MASTL: variants seen among roughly 807,000 people sequenced by gnomAD.
MASTL encodes the protein microtubule associated serine/threonine kinase like.
Under a neutral mutation model 82.5 loss-of-function variants are expected in MASTL, and 54 were observed. The observed-to-expected ratio is 0.65, with a 90% CI of 0.53 to 0.82. MASTL has a LOEUF of 0.82. MASTL is among the 40% of genes least tolerant of loss of function. The pLI is 0.00. For synonymous variants in MASTL, 323 were observed against 368.9 expected (o/e 0.88, Z 1.43); for missense variants, 950 against 1,047.8 (o/e 0.91, Z 1.29).
intron 9 of MASTL, among the ~76,000 whole-genome samples, chr10:27,176,667 T>C (rs1244744462): frequency 6.6e-6 from 1 of 152,182 alleles, no homozygotes. Flanking sequence ...ATTTCAAATG[T>C]TACCTCTTCC....
intron 9 of MASTL, among the ~76,000 whole-genome samples, chr10:27,180,625 C>T (rs1418521726): frequency 6.6e-6 from 1 of 152,150 alleles, no homozygotes; most frequent in Non-Finnish European, 1.5e-5. Context: ...CTCCTGACCT[C>T]AGGTAATCCA....
intron 1 of MASTL, 133 bp from the exon 2 acceptor site, chr10:27,158,416 A>G: frequency 1.4e-6 from 1 of 702,736 alleles, no homozygotes. Flanking sequence ...CTGAGGTGGG[A>G]GGATAACTTG....
In MASTL at chr10:27,170,202, A is replaced by G. The variant is rs761451295; in HGVS notation, c.1243A>G (p.Thr415Ala). 6 of 1,614,030 alleles carry G rather than the reference A, an allele frequency of 3.7e-6. No homozygotes were observed. Among genetic ancestry groups the G allele is most frequent in the East Asian group, 4.5e-5 (2 of 44,896 alleles). The change falls in exon 8 of 12, where the codon ACA becomes GCA. Residue 415 changes from threonine (T) to alanine (A), a missense_variant. Thr to Ala is a moderately conservative substitution (Grantham distance 58). Coordinates refer to ENST00000375940, the MANE Select transcript of MASTL (RefSeq NM_001172303.3). ...DVNNINMDTDTSQLGFHQSNQ... is the reference protein window; with the variant it reads ...DVNNINMDTDASQLGFHQSNQ... ...AAATAATATAAATATGGACACTGAC[A>G]CAAGTCAGTTAGGTTTCCATCAGTC...
At chr10:27,186,340 T>A (rs2058747741) in intron 11 of MASTL, 39 bp from the exon 12 acceptor site, 1 of 1,574,058 alleles carries the variant, frequency 6.4e-7, no homozygotes, top group African/African-American at 1.4e-5. Context: ...CTTACTTAGG[T>A]AATGATATCA....
At chr10:27,162,161 C>G (rs1439554942) in intron 4 of MASTL, among the ~76,000 whole-genome samples, 1 of 151,996 alleles carries the variant, frequency 6.6e-6, no homozygotes, top group Non-Finnish European at 1.5e-5. Context: ...GGAAATCTGC[C>G]AATATGTTTT....
chr10:27,173,167 G>A lies in MASTL; in HGVS notation c.2174G>A (p.Ser725Asn), dbSNP rs771422202. Residue 725 changes from serine (S) to asparagine (N), a missense_variant, in exon 9 of 12, where the codon AGT becomes AAT. Physicochemically the swap from Ser to Asn is conservative, Grantham distance 46. Transcript: ENST00000375940. ...GGAACTCCATACCGAACTCCGAAGA[G>A]TGTGAGAAGAGGGGTGGCCCCCGTT... ...KSGTPYRTPK[S>N]VRRGVAPVDD... 2.5e-6 allele frequency: 4 copies of A among 1,614,064 alleles called. No homozygotes were observed. In the Admixed American group the frequency reaches 5.0e-5, roughly 20 times the overall value.
chr10:27,179,569 A>C (rs976782451), intron 9 of MASTL, among the ~76,000 whole-genome samples: 2 of 152,210 alleles, frequency 1.3e-5, no homozygotes, highest in African/African-American at 4.8e-5. Flanking sequence ...AAAACAAACA[A>C]ACAAAGAAAA....
At chr10:27,180,374 ATT>A (rs869297303) in intron 9 of MASTL, among the ~76,000 whole-genome samples, 1 of 101,438 alleles carries the variant, frequency 9.9e-6, no homozygotes, top group Non-Finnish European at 2.0e-5. Flanking sequence ...GCTAACTCGC[ATT>A]TTTCTTTTCT....
At chr10:27,160,841 A>G (rs2057548458) in intron 3 of MASTL, among the ~76,000 whole-genome samples, 1 of 152,186 alleles carries the variant, frequency 6.6e-6, no homozygotes, top group South Asian at 2.1e-4. Flanking sequence ...CTTTATTTTA[A>G]TGGAATATCT....
intron 7 of MASTL, among the ~76,000 whole-genome samples, chr10:27,168,416 T>C (rs2057807149): frequency 6.6e-6 from 1 of 152,206 alleles, no homozygotes; most frequent in African/African-American, 2.4e-5. Context: ...GTGGTGCTTC[T>C]CAAGTTATGA....
chr10:27,167,380 A>G, intron 7 of MASTL, 106 bp downstream of exon 7: 3 of 950,206 alleles, frequency 3.2e-6, no homozygotes, highest in Non-Finnish European at 4.9e-6. Context: ...AAATTGTTAC[A>G]TGAATGGCAG....
At chr10:27,168,297 T>G (rs924119736) in intron 7 of MASTL, among the ~76,000 whole-genome samples, 1 of 152,216 alleles carries the variant, frequency 6.6e-6, no homozygotes. Context: ...GTACTATTAC[T>G]GCACTCCTTT....
chr10:27,155,800 C>G (rs1292367264), intron 1 of MASTL, among the ~76,000 whole-genome samples, 188 bp downstream of exon 1: 8 of 152,152 alleles, frequency 5.3e-5, no homozygotes, highest in Admixed American at 5.2e-4. Context: ...GGTGTCTCGC[C>G]TCTGTTCCGC....
In MASTL at chr10:27,181,139, C is replaced by T. The variant is rs2058270034; in HGVS notation, c.2380+73C>T. 5 of 1,141,366 alleles carry T rather than the reference C, an allele frequency of 4.4e-6. No individual in the cohort carries two copies. In the East Asian group the frequency reaches 7.2e-5, roughly 16 times the overall value. 70.7% of individuals were successfully genotyped at this position (1,141,366 alleles called of 1,614,324 possible). A position where few individuals can be genotyped will look rare whatever the true frequency, so the allele number is the denominator to read the frequency against. Reference sequence around the variant, plus strand: ...GTGGCCCATGCCTGTAATCCCAGCACTTTGGGAGGCCAAGGCGGGTGGATC... The same window carrying T: ...GTGGCCCATGCCTGTAATCCCAGCATTTTGGGAGGCCAAGGCGGGTGGATC... On this transcript the variant is annotated intron_variant, in intron 10 of 11. Coordinates refer to ENST00000375940, the MANE Select transcript of MASTL (RefSeq NM_001172303.3).
rs2058026855 is a variant in MASTL, at chr10:27,173,941, G to A, written c.2266+682G>A. The stretch of plus-strand genomic sequence containing the variant: ...TTTGGGCTCAGGACCACAATGTTGG[G>A]TCTAAATTTCTGTTCAGTCTTCAGA... On this transcript the variant is annotated intron_variant, in intron 9 of 11. Transcript: ENST00000375940. 2.0e-5 allele frequency among the ~76,000 whole-genome samples: 3 copies of A among 152,070 alleles called. No individual in the cohort carries two copies. In the South Asian group the frequency reaches 6.2e-4, roughly 32 times the overall value.
At chr10:27,158,802 A>C (rs2057476449) in intron 2 of MASTL, 116 bp downstream of exon 2, 1 of 1,123,830 alleles carries the variant, frequency 8.9e-7, no homozygotes, top group African/African-American at 1.5e-5. Flanking sequence ...GGCTGCACTC[A>C]CTGCCTTGGC....
At chr10:27,166,561 C>T (rs771587945) in intron 6 of MASTL, among the ~76,000 whole-genome samples, 5 of 151,848 alleles carry the variant, frequency 3.3e-5, no homozygotes, top group African/African-American at 4.8e-5. Context: ...TCACTTGAAC[C>T]CAGGAGTTTG....
At chr10:27,183,346 T>C (rs1974366) in intron 11 of MASTL, among the ~76,000 whole-genome samples, 128,797 of 152,042 alleles carry the variant, frequency 0.85, 54,819 homozygotes, top group East Asian at 0.99. Flanking sequence ...TGCAGTGGTG[T>C]GATCTCGGCT....
At chr10:27,185,810 C>T (rs1161968863) in intron 11 of MASTL, among the ~76,000 whole-genome samples, 6 of 148,412 alleles carry the variant, frequency 4.0e-5, no homozygotes, top group Non-Finnish European at 8.9e-5. Flanking sequence ...GATGTGAGTG[C>T]CGGGCATGGT....
Sources: allele counts gnomAD v4.1 joint callset (sites outside exome capture counted in the v4.1 genomes callset), GRCh38; gene constraint gnomAD v4.1.1; transcripts MANE v1.5; gene names NCBI Gene and HGNC (gene_info 2026-07-23, HGNC 2026-07-21).